ZC3H14: variants seen among roughly 807,000 people sequenced by gnomAD.
ZC3H14 encodes zinc finger CCCH-type containing 14.
ZC3H14 carries 31 observed loss-of-function variants against 92.4 expected under a neutral mutation model. The observed-to-expected ratio is 0.34, with a 90% CI of 0.25 to 0.45. The LOEUF (loss-of-function observed/expected upper bound fraction) is 0.45. Ranked by LOEUF, ZC3H14 falls within the 20% of genes least tolerant of loss-of-function variation. The pLI, the probability that ZC3H14 is intolerant of heterozygous loss-of-function variation, is 1.00. For missense variants in ZC3H14, 781 were observed against 897.3 expected, an observed-to-expected ratio of 0.87 and a Z score of 1.66; for synonymous variants, 321 against 300.9, an observed-to-expected ratio of 1.07 and a Z score of -0.69.
At chr14:88,600,835 G>A (rs2084536805) in intron 10 of ZC3H14, among the ~76,000 whole-genome samples, 1 of 152,022 alleles carries the variant, frequency 6.6e-6, no homozygotes, top group African/African-American at 2.4e-5. Context: ...AGCCTTCCTT[G>A]GTATGTACTG....
rs915110669 is a variant in ZC3H14, at chr14:88,613,939, T to G, written c.*2188T>G. 4.6e-5 allele frequency: 7 copies of G among 152,236 alleles called. No homozygotes were observed. The highest frequency in any genetic ancestry group is 1.7e-4 in the African/African-American group (7 of 41,470). The allele number at this position is 152,236 out of a possible 1,614,324, so 9.4% of individuals were successfully genotyped here. A position where few individuals can be genotyped will look rare whatever the true frequency, so the allele number is the denominator to read the frequency against. On this transcript the variant is annotated 3_prime_UTR_variant, in exon 17 of 17. Transcript: ENST00000251038. ...TCAGCTGATGACTACTTAGTCAATA[T>G]GACCTTTAGTCGTGAAACTGACAGC... is the stretch of plus-strand genomic sequence containing the variant.
At chr14:88,588,356 G>A (rs189509318) in intron 9 of ZC3H14, among the ~76,000 whole-genome samples, 1 of 152,214 alleles carries the variant, frequency 6.6e-6, no homozygotes, top group East Asian at 1.9e-4. Context: ...AAGTATAGAA[G>A]GTAAATTTTC....
intron 2 of ZC3H14, among the ~76,000 whole-genome samples, chr14:88,564,111 T>A (rs1210537680): frequency 1.3e-5 from 2 of 152,184 alleles, no homozygotes; most frequent in African/African-American, 2.4e-5. Context: ...CATGCCTGTT[T>A]AAAGTTTCCT....
intron 15 of ZC3H14, 112 bp downstream of exon 15, chr14:88,609,915 C>A: frequency 8.7e-7 from 1 of 1,149,712 alleles, no homozygotes; most frequent in Non-Finnish European, 1.3e-6. Context: ...GCGATTTTTG[C>A]CAGTAAAACT....
Position 88,618,205 on chromosome 14 carries a change from C to G in ZC3H14, c.*6454C>G. ...ACTGGCCTTCAAAGTCAGTTCTTGC[C>G]TTGTGAATATATAAGTATTTACCTA... On this transcript the variant is annotated 3_prime_UTR_variant, in exon 17 of 17. Coordinates refer to ENST00000251038, the MANE Select transcript of ZC3H14 (RefSeq NM_024824.5). 2 of 1,603,148 alleles carry G rather than the reference C, an allele frequency of 1.2e-6. No homozygotes were observed. The highest frequency in any genetic ancestry group is 2.2e-5 in the South Asian group (2 of 90,656).
intron 2 of ZC3H14, 136 bp downstream of exon 2, chr14:88,563,829 C>T: frequency 1.2e-6 from 1 of 828,672 alleles, no homozygotes; most frequent in South Asian, 1.5e-5. Flanking sequence ...CTTATACTCC[C>T]TGGTTACTTC....
intron 2 of ZC3H14, among the ~76,000 whole-genome samples, chr14:88,567,680 TAAACA>T (rs1471890766): frequency 6.6e-6 from 1 of 152,196 alleles, no homozygotes; most frequent in Non-Finnish European, 1.5e-5. Flanking sequence ...AAATTAAAAC[TAAACA>T]AAACTCAATT....
chr14:88,565,334 G>A (rs2079424609), intron 2 of ZC3H14, among the ~76,000 whole-genome samples: 1 of 151,914 alleles, frequency 6.6e-6, no homozygotes, highest in Non-Finnish European at 1.5e-5. Flanking sequence ...GTAGAGACAG[G>A]GTTTCACCAT....
chr14:88,584,504 G>A (rs1430214844), intron 9 of ZC3H14, among the ~76,000 whole-genome samples: 2 of 152,172 alleles, frequency 1.3e-5, no homozygotes, highest in Non-Finnish European at 2.9e-5. Context: ...GCTTGTAGTT[G>A]AGAGAAATGT....
chr14:88,612,036 T>G lies in ZC3H14; in HGVS notation c.*285T>G. On this transcript the variant is annotated 3_prime_UTR_variant, in exon 17 of 17. Coordinates refer to ENST00000251038, the MANE Select transcript of ZC3H14 (RefSeq NM_024824.5). ...GGGGCATGTTTGTGCACTGCTGTTG[T>G]GAGGATCAGCATATGAAATTGACAT... 1 of 461,800 alleles carries G rather than the reference T, an allele frequency of 2.2e-6. No homozygotes were observed. The highest frequency in any genetic ancestry group is 3.9e-6 in the Non-Finnish European group (1 of 256,660). 28.6% of individuals were successfully genotyped at this position (461,800 alleles called of 1,614,324 possible).
chr14:88,564,584 TTTG>T (rs1208887621), intron 2 of ZC3H14, among the ~76,000 whole-genome samples: 4 of 152,184 alleles, frequency 2.6e-5, no homozygotes, highest in Admixed American at 6.5e-5. Context: ...TAAGATGGTA[TTTG>T]TTATTTTTCA....
rs913834918 is a variant in ZC3H14, at chr14:88,621,739, A to G, written c.*9988A>G. The G allele has an allele frequency of 8.6e-6, 3 of 348,026 alleles. No individual in the cohort carries two copies. Among genetic ancestry groups the G allele is most frequent in the Non-Finnish European group, 1.7e-5 (3 of 175,490 alleles). The allele number at this position is 348,026 out of a possible 1,614,324, so 21.6% of individuals were successfully genotyped here. On this transcript the variant is annotated 3_prime_UTR_variant, in exon 17 of 17. Coordinates refer to ENST00000251038, the MANE Select transcript of ZC3H14 (RefSeq NM_024824.5). ...TTTATAAATACACTTAATAAGTACA[A>G]ACACGCTCAAAAATTTTCATAGGAG... is the stretch of plus-strand genomic sequence containing the variant.
rs1242353773 is a variant in ZC3H14, at chr14:88,613,032, T to G, written c.*1281T>G. 6.6e-6 allele frequency: 1 copy of G among 152,332 alleles called. No individual in the cohort carries two copies. Among genetic ancestry groups the G allele is most frequent in the Non-Finnish European group, 1.5e-5 (1 of 67,996 alleles). 9.4% of individuals were successfully genotyped at this position (152,332 alleles called of 1,614,324 possible). A position where few individuals can be genotyped will look rare whatever the true frequency, so the allele number is the denominator to read the frequency against. On this transcript the variant is annotated 3_prime_UTR_variant, in exon 17 of 17. Coordinates refer to ENST00000251038, the MANE Select transcript of ZC3H14 (RefSeq NM_024824.5). ...GCTTAGTCGTATACTCAAATGATGA[T>G]AAACCTACATGTGCAAAGGCTCACG...
Position 88,602,867 on chromosome 14 carries a change from T to C in ZC3H14, c.1554T>C (p.Phe518=), listed in dbSNP as rs974038625. 12 of 1,614,052 alleles carry C rather than the reference T, an allele frequency of 7.4e-6. No individual in the cohort carries two copies. The highest frequency in any genetic ancestry group is 1.0e-5 in the Non-Finnish European group (12 of 1,180,030). ...CAGATAAACCTGCAAGTCCCAAGTT[T>C]ATAGTGACGCTGGATGGTGTCCCCA... is the stretch of plus-strand genomic sequence containing the variant. ...VQPDKPASPK[F]IVTLDGVPSP... The change falls in exon 12 of 17, where the codon TTT becomes TTC. Residue 518 remains phenylalanine, a synonymous_variant. Coordinates refer to ENST00000251038, the MANE Select transcript of ZC3H14 (RefSeq NM_024824.5).
chr14:88,563,200 C>T, intron 1 of ZC3H14, 31 bp downstream of exon 1: 1 of 1,597,970 alleles, frequency 6.3e-7, no homozygotes. Context: ...GGGTGGGAAG[C>T]CAGGTCTCGG....
Position 88,624,394 on chromosome 14 carries a change from T to A in ZC3H14, c.*12643T>A, listed in dbSNP as rs1331995547. 2 of 152,418 alleles carry A rather than the reference T, an allele frequency of 1.3e-5. No homozygotes were observed. The highest frequency in any genetic ancestry group is 4.8e-5 in the African/African-American group (2 of 41,446). 9.4% of individuals were successfully genotyped at this position (152,418 alleles called of 1,614,324 possible). On this transcript the variant is annotated 3_prime_UTR_variant, in exon 17 of 17. Transcript: ENST00000251038. Reference sequence around the variant, plus strand: ...CTGGCCTACATGTCATGTTTCAACATGCATATGACTATGTTGGTGACAAAT... The same window carrying A: ...CTGGCCTACATGTCATGTTTCAACAAGCATATGACTATGTTGGTGACAAAT...
In ZC3H14 at chr14:88,625,382, C is replaced by T; in HGVS notation, c.*13631C>T. The T allele has an allele frequency of 2.5e-6, 1 of 404,606 alleles. No individual in the cohort carries two copies. The highest frequency in any genetic ancestry group is 4.4e-6 in the Non-Finnish European group (1 of 227,590). The allele number at this position is 404,606 out of a possible 1,614,324, so 25.1% of individuals were successfully genotyped here. A position where few individuals can be genotyped will look rare whatever the true frequency, so the allele number is the denominator to read the frequency against. On this transcript the variant is annotated 3_prime_UTR_variant, in exon 17 of 17. Coordinates refer to ENST00000251038, the MANE Select transcript of ZC3H14 (RefSeq NM_024824.5). ...GACAATTCTTCCCTTCCAATTCTAA[C>T]ATACTATAATTCTAGGGTTTATTTT...
At chr14:88,605,872 C>T (rs920958035) in intron 12 of ZC3H14, among the ~76,000 whole-genome samples, 5 of 152,146 alleles carry the variant, frequency 3.3e-5, no homozygotes, top group Non-Finnish European at 7.4e-5. Flanking sequence ...GTTTAATCAT[C>T]AGACTCTAAG....
At chr14:88,599,574 A>C (rs1595752794) in intron 10 of ZC3H14, among the ~76,000 whole-genome samples, 1 of 152,144 alleles carries the variant, frequency 6.6e-6, no homozygotes, top group Non-Finnish European at 1.5e-5. Flanking sequence ...ACCCTGGAGC[A>C]TGTTACACTT....
Sources: gnomAD v4.1 joint callset for allele counts (sites outside exome capture counted in the v4.1 genomes callset) on GRCh38, gnomAD v4.1.1 for gene constraint, MANE v1.5 for transcripts, NCBI Gene and HGNC (gene_info 2026-07-23, HGNC 2026-07-21) for gene names.